The following MCPH1 variants were observed in gnomAD, a reference collection of about 807,000 sequenced individuals.
MCPH1 encodes the protein microcephalin 1.
In MCPH1, 104 loss-of-function variants were observed where a neutral mutation model predicts 84.5. That is an observed-to-expected ratio of 1.23 (90% CI 1.05 to 1.45). MCPH1 has a LOEUF of 1.45. Ranked by LOEUF, MCPH1 falls within the 40% of genes most tolerant of loss-of-function variation. MCPH1 has a pLI of 0.00. For synonymous variants in MCPH1, 514 were observed against 366.8 expected (o/e 1.40, Z -4.58); for missense variants, 1,498 against 1,005.7 (o/e 1.49, Z -6.62).
chr8:6,499,985 A>G (rs1811836510), intron 12 of MCPH1, 56 bp downstream of exon 12: 1 of 1,451,726 alleles, frequency 6.9e-7, no homozygotes, highest in Non-Finnish European at 9.7e-7. Flanking sequence ...TCAAGAAATT[A>G]TTATAAACAT....
At chr8:6,480,670 CAACAA>C (rs1247091325) in intron 10 of MCPH1, 39 bp from the exon 11 acceptor site, 1 of 1,608,140 alleles carries the variant, frequency 6.2e-7, no homozygotes, top group African/African-American at 1.3e-5. Flanking sequence ...TGGGCATGTG[CAACAA>C]AGTCATTCAT....
At chr8:6,564,231 C>A (rs1174347962) in intron 12 of MCPH1, among the ~76,000 whole-genome samples, 1 of 152,100 alleles carries the variant, frequency 6.6e-6, no homozygotes, top group African/African-American at 2.4e-5. Flanking sequence ...TCGCCTTTGG[C>A]CTCCCAAAGT....
At chr8:6,523,122 C>T (rs1373266406) in intron 12 of MCPH1, among the ~76,000 whole-genome samples, 2 of 151,934 alleles carry the variant, frequency 1.3e-5, no homozygotes, top group Non-Finnish European at 2.9e-5. Context: ...CTCAGTCTCC[C>T]GAGTAGCTGG....
chr8:6,630,213 G>A (rs1047621086), intron 13 of MCPH1, among the ~76,000 whole-genome samples: 2 of 152,138 alleles, frequency 1.3e-5, no homozygotes, highest in Non-Finnish European at 2.9e-5. Context: ...TGACTTCTTT[G>A]GCTGGGAAAA....
chr8:6,519,992 C>G, intron 12 of MCPH1: 1 of 1,613,232 alleles, frequency 6.2e-7, no homozygotes, highest in Non-Finnish European at 8.5e-7. Context: ...GGGTCCTTAG[C>G]TGCTTTTAAA....
chr8:6,462,152 T>C (rs147060365), intron 9 of MCPH1, among the ~76,000 whole-genome samples: 51 of 152,302 alleles, frequency 3.3e-4, no homozygotes, highest in African/African-American at 1.1e-3. Context: ...AGCATACTTA[T>C]TTTGATAGTG....
At chr8:6,480,973 C>G (rs1809152747) in intron 11 of MCPH1, 97 bp downstream of exon 11, 1 of 1,384,672 alleles carries the variant, frequency 7.2e-7, no homozygotes, top group East Asian at 2.3e-5. Flanking sequence ...CCGGCGTGCA[C>G]CCTTGTGGAT....
chr8:6,487,736 G>A (rs991962947), intron 11 of MCPH1, among the ~76,000 whole-genome samples: 4 of 152,134 alleles, frequency 2.6e-5, no homozygotes, highest in African/African-American at 7.2e-5. Flanking sequence ...GAACTTTCAC[G>A]GCTTGATTTC....
chr8:6,424,862 G>C (rs1800824966), intron 3 of MCPH1, among the ~76,000 whole-genome samples: 1 of 152,248 alleles, frequency 6.6e-6, no homozygotes, highest in African/African-American at 2.4e-5. Flanking sequence ...GGACACACGT[G>C]AAGGATAGCG....
chr8:6,572,769 C>G (rs1266922255), intron 12 of MCPH1, among the ~76,000 whole-genome samples: 1 of 152,198 alleles, frequency 6.6e-6, no homozygotes, highest in Non-Finnish European at 1.5e-5. Context: ...CCCAAGCTTA[C>G]AGTCTAACGA....
At chr8:6,503,658 C>T (rs1322643992) in intron 12 of MCPH1, among the ~76,000 whole-genome samples, 2 of 152,330 alleles carry the variant, frequency 1.3e-5, no homozygotes, top group African/African-American at 2.4e-5. Context: ...GGGCTGGACT[C>T]GCTCAGGCTC....
intron 12 of MCPH1, among the ~76,000 whole-genome samples, chr8:6,528,239 A>G (rs556754957): frequency 3.3e-5 from 5 of 152,322 alleles, no homozygotes; most frequent in African/African-American, 7.2e-5. Flanking sequence ...GTTCTGGACA[A>G]TGGGGTCTGT....
chr8:6,593,081 G>GTTTTTT (rs377256909), intron 12 of MCPH1, among the ~76,000 whole-genome samples: 2 of 121,740 alleles, frequency 1.6e-5, no homozygotes, highest in African/African-American at 3.1e-5. Context: ...TTAGGGTGTG[G>GTTTTTT]TTTTTTTTTT....
chr8:6,465,196 G>T (rs920858992), intron 9 of MCPH1, among the ~76,000 whole-genome samples: 6 of 152,150 alleles, frequency 3.9e-5, no homozygotes, highest in African/African-American at 1.4e-4. Flanking sequence ...ATCTGTTTGA[G>T]ATATTCGGAA....
chr8:6,509,193 C>G, intron 12 of MCPH1: 2 of 1,189,160 alleles, frequency 1.7e-6, no homozygotes, highest in Non-Finnish European at 2.3e-6. Context: ...AATGCATACT[C>G]TGGACAAAAT....
At chr8:6,575,289 A>C (rs1826978527) in intron 12 of MCPH1, among the ~76,000 whole-genome samples, 1 of 152,218 alleles carries the variant, frequency 6.6e-6, no homozygotes, top group Non-Finnish European at 1.5e-5. Context: ...CAGCTGTATA[A>C]ATTGCATAAA....
chr8:6,426,742 C>CA (rs1381011874), intron 3 of MCPH1, among the ~76,000 whole-genome samples: 2 of 152,198 alleles, frequency 1.3e-5, no homozygotes, highest in Non-Finnish European at 2.9e-5. Flanking sequence ...GTGTTCCTTT[C>CA]ACTCCACGTC....
At chr8:6,605,668 T>G (rs926018647) in intron 12 of MCPH1, among the ~76,000 whole-genome samples, 2 of 152,004 alleles carry the variant, frequency 1.3e-5, no homozygotes, top group Non-Finnish European at 2.9e-5. Context: ...AGTTTTGTTT[T>G]TAAGTTCTGT....
intron 9 of MCPH1, among the ~76,000 whole-genome samples, chr8:6,461,063 G>T (rs960943999): frequency 2.0e-5 from 3 of 152,090 alleles, no homozygotes; most frequent in African/African-American, 4.8e-5. Flanking sequence ...CAAGAGAAAT[G>T]ATTTTTGAGA....
Sources: gnomAD v4.1 joint callset for allele counts (sites outside exome capture counted in the v4.1 genomes callset) on GRCh38, gnomAD v4.1.1 for gene constraint, MANE v1.5 for transcripts, NCBI Gene and HGNC (gene_info 2026-07-23, HGNC 2026-07-21) for gene names.